ARHGEF33: variants seen among roughly 807,000 people sequenced by gnomAD.
ARHGEF33 encodes the protein DH and coiled-coil domain-containing protein ENSP00000381780.
ARHGEF33 carries 72 observed loss-of-function variants against 101.9 expected under a neutral mutation model. That is an observed-to-expected ratio of 0.71 (90% CI 0.58 to 0.86). The LOEUF (loss-of-function observed/expected upper bound fraction) is 0.86, where lower values mean the gene tolerates loss of function less well. ARHGEF33 is among the 40% of genes least tolerant of loss of function. The pLI is 0.00. For synonymous variants in ARHGEF33, 499 were observed against 442.5 expected (o/e 1.13, Z -1.60); for missense variants, 1,169 against 1,111.3 (o/e 1.05, Z -0.74).
At chr2:38,925,793 G>GA (rs982400670) in intron 4 of ARHGEF33, among the ~76,000 whole-genome samples, 1 of 152,088 alleles carries the variant, frequency 6.6e-6, no homozygotes. Flanking sequence ...CCCAAACCTT[G>GA]ACATTTATGA....
At position 38,926,491 on chromosome 2, in the gene ARHGEF33, G is replaced by A. The variant is rs139667157; in HGVS notation, c.76-2416G>A. Among the ~76,000 whole-genome samples the A allele has an allele frequency of 3.3e-5, 5 of 152,234 alleles. No homozygotes were observed. In the East Asian group the frequency reaches 9.7e-4, roughly 29 times the overall value. On this transcript the variant is annotated intron_variant, in intron 4 of 17. Transcript: ENST00000409978. The stretch of plus-strand genomic sequence containing the variant: ...GTATCAGGTGTGTGTTCTCCTGATG[G>A]CTTCCCCTCCCGGGCTGGTCAGGGC...
chr2:38,902,936 A>G (rs1025871839), intron 2 of ARHGEF33, among the ~76,000 whole-genome samples: 2 of 152,178 alleles, frequency 1.3e-5, no homozygotes, highest in Non-Finnish European at 2.9e-5. Flanking sequence ...TAATAAAGTG[A>G]CATTCAAGCA....
intron 2 of ARHGEF33, among the ~76,000 whole-genome samples, chr2:38,909,782 T>C (rs1206728192): frequency 6.6e-6 from 1 of 151,144 alleles, no homozygotes; most frequent in African/African-American, 2.4e-5. Flanking sequence ...TAAGCACTTG[T>C]GTATCTTCAT....
chr2:38,906,915 A>G (rs1403678325), intron 2 of ARHGEF33, among the ~76,000 whole-genome samples: 1 of 151,896 alleles, frequency 6.6e-6, no homozygotes, highest in Non-Finnish European at 1.5e-5. Context: ...CCATGATTGC[A>G]CCACTGCCTG....
At position 38,937,177 on chromosome 2, in the gene ARHGEF33, G is replaced by A. The variant is rs1035358163; in HGVS notation, c.566-158G>A. The A allele has an allele frequency of 7.7e-5, 44 of 573,474 alleles. No homozygotes were observed. The African/African-American group carries it at 7.9e-4, about 10-fold the overall frequency. The allele number at this position is 573,474 out of a possible 1,614,324, so 35.5% of individuals were successfully genotyped here. The stretch of plus-strand genomic sequence containing the variant: ...GCCCAGCTAATTTTTTATATTTTTA[G>A]TAGAGACAGGGTTTCACCATGTTAG... On this transcript the variant is annotated intron_variant, in intron 8 of 17. Transcript: ENST00000409978.
At chr2:38,939,603 A>G (rs1417584202) in intron 9 of ARHGEF33, among the ~76,000 whole-genome samples, 1 of 152,162 alleles carries the variant, frequency 6.6e-6, no homozygotes, top group Admixed American at 6.5e-5. Context: ...ATGTTTTTAT[A>G]TGCTTATTAG....
intron 3 of ARHGEF33, 85 bp from the exon 4 acceptor site, chr2:38,921,289 A>C: frequency 1.2e-6 from 1 of 835,522 alleles, no homozygotes; most frequent in Middle Eastern, 2.2e-4. Context: ...AGGATCCTGT[A>C]AGTTCCCTTA....
At chr2:38,894,803 C>T (rs1040673194) in intron 1 of ARHGEF33, among the ~76,000 whole-genome samples, 2 of 152,166 alleles carry the variant, frequency 1.3e-5, no homozygotes, top group African/African-American at 4.8e-5. Flanking sequence ...GAGGGGAATA[C>T]AGTCTTTTAA....
intron 3 of ARHGEF33, 149 bp from the exon 4 acceptor site, chr2:38,921,225 C>G: frequency 1.6e-6 from 1 of 611,624 alleles, no homozygotes; most frequent in South Asian, 2.0e-5. Flanking sequence ...CCTACTTCAG[C>G]TCATTTTTTG....
intron 4 of ARHGEF33, among the ~76,000 whole-genome samples, chr2:38,922,984 C>G (rs1381025260): frequency 6.6e-6 from 1 of 152,192 alleles, no homozygotes; most frequent in Non-Finnish European, 1.5e-5. Flanking sequence ...TCCCTGCCCA[C>G]TTCCCCTCTG....
chr2:38,891,553 G>A (rs1438429670), intron 1 of ARHGEF33, among the ~76,000 whole-genome samples: 3 of 152,040 alleles, frequency 2.0e-5, no homozygotes, highest in Non-Finnish European at 4.4e-5. Flanking sequence ...AAGATTTACA[G>A]GTGACCTGAA....
At chr2:38,967,741 T>A (rs1374515029) in intron 17 of ARHGEF33, among the ~76,000 whole-genome samples, 2 of 148,980 alleles carry the variant, frequency 1.3e-5, no homozygotes, top group Non-Finnish European at 3.0e-5. Context: ...ACGCCCTGGC[T>A]ATTTTTTTTT....
chr2:38,899,587 C>G (rs543015951), intron 2 of ARHGEF33, among the ~76,000 whole-genome samples: 2 of 151,950 alleles, frequency 1.3e-5, no homozygotes, highest in Non-Finnish European at 2.9e-5. Context: ...ACGCGTTGGT[C>G]AAAGGGTACA....
chr2:38,940,280 T>A (rs916869250), intron 9 of ARHGEF33, among the ~76,000 whole-genome samples: 1 of 152,134 alleles, frequency 6.6e-6, no homozygotes, highest in Admixed American at 6.5e-5. Flanking sequence ...TGTTTTTAGT[T>A]TTTAATTTAT....
rs1380515510 is a variant in ARHGEF33, at chr2:38,919,909, A to G, written c.25+437A>G. 2.6e-5 allele frequency among the ~76,000 whole-genome samples: 4 copies of G among 152,218 alleles called. No homozygotes were observed. In the East Asian group the frequency reaches 5.8e-4, roughly 22 times the overall value. On this transcript the variant is annotated intron_variant, in intron 3 of 17. Coordinates refer to ENST00000409978, the MANE Select transcript of ARHGEF33 (RefSeq NM_001145451.5). ...GTCAGGTGACAACTGCAAAGTATCA[A>G]AGTTAGGTCTGGGATCTGGATCTTT... is the stretch of plus-strand genomic sequence containing the variant.
intron 17 of ARHGEF33, among the ~76,000 whole-genome samples, chr2:38,966,628 C>T (rs1668058509): frequency 6.6e-6 from 1 of 152,196 alleles, no homozygotes; most frequent in Non-Finnish European, 1.5e-5. Context: ...TCTGTTAGTG[C>T]TTTCCCTGAA....
At chr2:38,953,875 T>C (rs1465024082) in intron 12 of ARHGEF33, among the ~76,000 whole-genome samples, 1 of 152,148 alleles carries the variant, frequency 6.6e-6, no homozygotes, top group Non-Finnish European at 1.5e-5. Flanking sequence ...TCAGCAAATA[T>C]CTGGGAAAGA....
At chr2:38,892,871 A>G (rs1034825551) in intron 1 of ARHGEF33, among the ~76,000 whole-genome samples, 1 of 151,938 alleles carries the variant, frequency 6.6e-6, no homozygotes, top group African/African-American at 2.4e-5. Flanking sequence ...ATTATCTTTT[A>G]CTTGAGTTAT....
intron 3 of ARHGEF33, 124 bp downstream of exon 3, chr2:38,919,596 T>C: frequency 9.8e-7 from 1 of 1,022,346 alleles, no homozygotes; most frequent in Non-Finnish European, 1.5e-6. Flanking sequence ...TATCATCATA[T>C]AATGACTATG....
Sources: allele counts gnomAD v4.1 joint callset (sites outside exome capture counted in the v4.1 genomes callset), GRCh38; gene constraint gnomAD v4.1.1; transcripts MANE v1.5; gene names NCBI Gene and HGNC (gene_info 2026-07-23, HGNC 2026-07-21).